Variants in SEMA3F observed in about 807,000 individuals in gnomAD.
SEMA3F encodes semaphorin 3F.
SEMA3F carries 30 observed loss-of-function variants against 98.5 expected under a neutral mutation model. That is an observed-to-expected ratio of 0.30 (90% CI 0.23 to 0.41). The LOEUF (loss-of-function observed/expected upper bound fraction) is 0.41, where lower values mean the gene tolerates loss of function less well. Ranked by LOEUF, SEMA3F falls within the 10% of genes least tolerant of loss-of-function variation. The probability of loss-of-function intolerance (pLI) is 1.00; values close to 1 mark genes in which losing one functional copy is unlikely to be tolerated. For synonymous variants in SEMA3F, 380 were observed against 444.8 expected (o/e 0.85, Z 1.83); for missense variants, 866 against 1,119.3 (o/e 0.77, Z 3.23).
intron 5 of SEMA3F, 100 bp downstream of exon 5, chr3:50,174,450 G>C: frequency 7.0e-7 from 1 of 1,431,120 alleles, no homozygotes; most frequent in Non-Finnish European, 9.4e-7. Flanking sequence ...TGCCACTTCC[G>C]AGCCTTTTGA....
At position 50,159,629 on chromosome 3, in the gene SEMA3F, G is replaced by C. The variant is rs1162541080; in HGVS notation, c.7G>C (p.Val3Leu). The stretch of plus-strand genomic sequence containing the variant: ...GCCCTAGGCCCCTCCCACAATGCTT[G>C]TCGCCGGTCTTCTTCTCTGGGCTTC... ML[V>L]AGLLLWASLL... The change falls in exon 2 of 19, where the codon GTC (valine) becomes CTC (leucine). Residue 3 changes from valine (V) to leucine (L), a missense_variant. Physicochemically the swap from Val to Leu is conservative, Grantham distance 32 (BLOSUM62 1). Around this residue, in one of 3 missense-constraint regions of SEMA3F, gnomAD observed 247 missense variants for 276.0 expected, o/e 0.89. Coordinates refer to ENST00000002829, the MANE Select transcript of SEMA3F (RefSeq NM_004186.5). 3 of 1,606,446 alleles carry C rather than the reference G, an allele frequency of 1.9e-6. No homozygotes were observed. Among genetic ancestry groups the C allele is most frequent in the South Asian group, 2.2e-5 (2 of 90,448 alleles).
chr3:50,186,977 A>C (rs1699244311), intron 18 of SEMA3F, among the ~76,000 whole-genome samples: 1 of 152,204 alleles, frequency 6.6e-6, no homozygotes, highest in Non-Finnish European at 1.5e-5. Flanking sequence ...TTCCATATGC[A>C]TACCACATTG....
intron 7 of SEMA3F, among the ~76,000 whole-genome samples, chr3:50,178,931 A>ACGCCACTCTCCTGCCTCAGCCTCC (rs1168905311): frequency 1.4e-5 from 2 of 140,882 alleles, no homozygotes; most frequent in Non-Finnish European, 3.0e-5. Flanking sequence ...TCCCGGGTTC[A>ACGCCACTCTCCTGCCTCAGCCTCC]CGCCACTCTC....
At chr3:50,184,152 C>T (rs563655002) in intron 12 of SEMA3F, 31 of 234,902 alleles carry the variant, frequency 1.3e-4, no homozygotes, top group Admixed American at 1.1e-3. Flanking sequence ...CTGGCCATGA[C>T]GGGGGGCAGG....
chr3:50,161,907 T>C (rs1698223155), intron 2 of SEMA3F, among the ~76,000 whole-genome samples: 1 of 152,122 alleles, frequency 6.6e-6, no homozygotes, highest in Non-Finnish European at 1.5e-5. Flanking sequence ...GCCCACCAAG[T>C]GTGTGTGGAG....
At chr3:50,173,465 C>G in intron 2 of SEMA3F, 1 of 303,058 alleles carries the variant, frequency 3.3e-6, no homozygotes, top group South Asian at 3.9e-5. Flanking sequence ...GAGTGAGACT[C>G]CATCTCAAAA....
chr3:50,158,280 G>A lies in SEMA3F; in HGVS notation c.-48-1295G>A, dbSNP rs865824038. 1.3e-5 allele frequency among the ~76,000 whole-genome samples: 2 copies of A among 152,246 alleles called. No individual in the cohort carries two copies. The highest frequency in any genetic ancestry group is 2.9e-5 in the Non-Finnish European group (2 of 68,034). On this transcript the variant is annotated intron_variant, in intron 1 of 18. Transcript: ENST00000002829. The surrounding 1 kb of genome is among the most constrained non-coding windows in gnomAD (Gnocchi z 4.8). ...CAGGGGATCTGGAAGGACCATGAGCGGTGTGCCAGGCCCTCGGGAGAGAAC... is the reference window on the plus strand; with the variant it reads ...CAGGGGATCTGGAAGGACCATGAGCAGTGTGCCAGGCCCTCGGGAGAGAAC...
chr3:50,162,343 G>A (rs1301396711), intron 2 of SEMA3F, among the ~76,000 whole-genome samples: 12 of 152,228 alleles, frequency 7.9e-5, no homozygotes, highest in Admixed American at 7.2e-4. Context: ...GCAGCCCAGG[G>A]TTCCCTCAGA....
At chr3:50,185,368 G>A (rs1197327296) in intron 13 of SEMA3F, 75 bp from the exon 14 acceptor site, 3 of 1,402,364 alleles carry the variant, frequency 2.1e-6, no homozygotes, top group African/African-American at 1.4e-5. Context: ...GGGCCCTGGT[G>A]GGGGAAGGGG....
intron 2 of SEMA3F, among the ~76,000 whole-genome samples, chr3:50,161,544 T>TGGGGCTGCAGCGCACCTGGGGC (rs1559719522): frequency 2.0e-5 from 3 of 152,116 alleles, no homozygotes; most frequent in Non-Finnish European, 4.4e-5. Context: ...CGGCCTGGGG[T>TGGGGCTGCAGCGCACCTGGGGC]GGGGCTGCAG....
chr3:50,183,251 T>A lies in SEMA3F; in HGVS notation c.1084T>A (p.Ser362Thr). The A allele has an allele frequency of 6.2e-7, 1 of 1,614,000 alleles. No homozygotes were observed. The highest frequency in any genetic ancestry group is 8.5e-7 in the Non-Finnish European group (1 of 1,179,922). Residue 362 changes from serine (S) to threonine (T), a missense_variant, in exon 11 of 19, where the codon TCT becomes ACT. Transcript: ENST00000002829. ...NPVIYAVFTS[S>T]GSVFRGSAVC... ...TGTCATTTACGCTGTCTTTACCTCC[T>A]CTGGGTGAGGCTGGGGTCAGGGCCA... is the stretch of plus-strand genomic sequence containing the variant.
At position 50,176,775 on chromosome 3, in the gene SEMA3F, T is replaced by A. The variant is rs1698830472; in HGVS notation, c.557T>A (p.Ile186Asn). ...PMPTAPRQDY[I>N]FYLEPERLES... ...CCCCGCTCTGCCTTACAGGATTACATCTTCTACCTGGAGCCTGAGCGACTC... is the reference window on the plus strand; with the variant it reads ...CCCCGCTCTGCCTTACAGGATTACAACTTCTACCTGGAGCCTGAGCGACTC... Residue 186 changes from isoleucine (I) to asparagine (N), a missense_variant, in exon 7 of 19, where the codon ATC (isoleucine) becomes AAC (asparagine). Ile to Asn is a moderately radical substitution (Grantham distance 149, BLOSUM62 -3). Coordinates refer to ENST00000002829, the MANE Select transcript of SEMA3F (RefSeq NM_004186.5). 6.2e-7 allele frequency: 1 copy of A among 1,612,078 alleles called. No individual in the cohort carries two copies. The highest frequency in any genetic ancestry group is 8.5e-7 in the Non-Finnish European group (1 of 1,178,990).
intron 13 of SEMA3F, 136 bp from the exon 14 acceptor site, chr3:50,185,307 A>G: frequency 1.3e-6 from 1 of 782,754 alleles, no homozygotes; most frequent in East Asian, 2.8e-5. Context: ...GACCTGGGGA[A>G]ACTCTTCCAC....
chr3:50,165,988 G>A (rs1698389132), intron 2 of SEMA3F, among the ~76,000 whole-genome samples: 2 of 152,280 alleles, frequency 1.3e-5, no homozygotes, highest in Admixed American at 6.5e-5. Context: ...GGGCCGAGGG[G>A]AGCACTGGCT....
At chr3:50,164,248 C>T (rs1237836354) in intron 2 of SEMA3F, among the ~76,000 whole-genome samples, 1 of 152,214 alleles carries the variant, frequency 6.6e-6, no homozygotes, top group African/African-American at 2.4e-5. Flanking sequence ...CCTTCCCTGG[C>T]TCCAGCTTCC....
Position 50,174,218 on chromosome 3 carries a change from C to G in SEMA3F, c.337-13C>G. ...TGGCCAGGGCACCTATGCAGCCTTC[C>G]CTGTGGCCCCAGGGCGAGTGTGGGA... On this transcript the variant is annotated splice_polypyrimidine_tract_variant and intron_variant, in intron 4 of 18. Transcript: ENST00000002829. 6.2e-7 allele frequency: 1 copy of G among 1,613,728 alleles called. No individual in the cohort carries two copies. The highest frequency in any genetic ancestry group is 1.3e-5 in the African/African-American group (1 of 75,056).
chr3:50,180,803 A>G (rs1453367530), intron 7 of SEMA3F, among the ~76,000 whole-genome samples: 1 of 152,200 alleles, frequency 6.6e-6, no homozygotes, highest in African/African-American at 2.4e-5. Flanking sequence ...GCGGTGGCTC[A>G]TGCCTGTAAT....
intron 15 of SEMA3F, 49 bp downstream of exon 15, chr3:50,185,756 C>T (rs1699190253): frequency 6.2e-7 from 1 of 1,611,114 alleles, no homozygotes; most frequent in Admixed American, 1.7e-5. Flanking sequence ...GCCTGCATCC[C>T]CTCAGGGTCA....
rs2072053 is a variant in SEMA3F at position 50,159,659 on chromosome 3, C to T, written c.37C>T (p.Leu13=). The T allele has an allele frequency of 0.035, 55,675 of 1,612,908 alleles. 11,807 individuals carry two copies. The East Asian group carries it at 0.56, about 16-fold the overall frequency. Residue 13 remains leucine (L), a synonymous_variant, in exon 2 of 19, where the codon CTG becomes TTG. Transcript: ENST00000002829. Reference sequence around the variant, plus strand: ...CGGTCTTCTTCTCTGGGCTTCCCTACTGACCGGGGCCTGGCCATCCTTCCC... The same window carrying T: ...CGGTCTTCTTCTCTGGGCTTCCCTATTGACCGGGGCCTGGCCATCCTTCCC... ...VAGLLLWASL[L]TGAWPSFPTQ... is the part of the protein sequence containing the mutation.
Sources: allele counts gnomAD v4.1 joint callset (sites outside exome capture counted in the v4.1 genomes callset), GRCh38; gene constraint gnomAD v4.1.1; regional missense constraint gnomAD v4.1.1; non-coding constraint Gnocchi (gnomAD v3.1); transcripts MANE v1.5; gene names NCBI Gene and HGNC (gene_info 2026-07-23, HGNC 2026-07-21).